UGGT2: variants seen among roughly 807,000 people sequenced by gnomAD.
UGGT2 encodes the protein UDP-glucose:glycoprotein glucosyltransferase 2.
Under a neutral mutation model 192.1 loss-of-function variants are expected in UGGT2, and 180 were observed. The observed-to-expected ratio is 0.94, with a 90% CI of 0.83 to 1.06. The LOEUF is 1.06. UGGT2 is among the 50% of genes least tolerant of loss of function. The pLI is 0.00. For synonymous variants in UGGT2, 580 were observed against 591.0 expected (o/e 0.98, Z 0.27); for missense variants, 1,849 against 1,795.7 (o/e 1.03, Z -0.54).
intron 17 of UGGT2, among the ~76,000 whole-genome samples, chr13:95,930,729 C>A (rs1013132474): frequency 3.3e-5 from 5 of 152,128 alleles, no homozygotes; most frequent in Non-Finnish European, 7.4e-5. Context: ...ACACTGACTT[C>A]AAGAATAAAG....
intron 15 of UGGT2, among the ~76,000 whole-genome samples, chr13:95,945,615 T>C (rs762426661): frequency 5.8e-4 from 89 of 152,278 alleles, no homozygotes; most frequent in Non-Finnish European, 1.1e-3. Flanking sequence ...TAGGTAAAGA[T>C]AATTTCTGAA....
At chr13:95,985,235 A>ACAG in intron 9 of UGGT2, 1 of 1,188,216 alleles carries the variant, frequency 8.4e-7, no homozygotes, top group South Asian at 1.4e-5. Flanking sequence ...ACATTTATAC[A>ACAG]CACCCATATA....
intron 4 of UGGT2, among the ~76,000 whole-genome samples, chr13:96,017,351 G>A (rs998580785): frequency 1.3e-5 from 2 of 152,068 alleles, no homozygotes; most frequent in African/African-American, 4.8e-5. Context: ...CAATTCCCAG[G>A]GGCCCCCCTT....
chr13:95,895,087 T>C, intron 23 of UGGT2, 93 bp downstream of exon 23: 1 of 1,282,768 alleles, frequency 7.8e-7, no homozygotes, highest in South Asian at 1.4e-5. Context: ...TACCTTTACT[T>C]GTCTATATAT....
Position 96,013,348 on chromosome 13 carries a change from G to T in UGGT2, c.619C>A (p.Gln207Lys), listed in dbSNP as rs757110212. The change falls in exon 5 of 39, where the codon CAA (glutamine) becomes AAA (lysine). Residue 207 changes from glutamine to lysine, a missense_variant. Physicochemically the swap from Gln to Lys is moderately conservative, Grantham distance 53. Transcript: ENST00000376747. ...AFHKVLSEKA[Q>K]NEEILYVLRH... Reference sequence around the variant, plus strand: ...AGAACATACAGAATTTCCTCATTTTGAGCTTTTTCAGACAATACTTTGTGA... The same window carrying T: ...AGAACATACAGAATTTCCTCATTTTTAGCTTTTTCAGACAATACTTTGTGA... The T allele has an allele frequency of 1.5e-5, 24 of 1,605,542 alleles. No individual in the cohort carries two copies. Among genetic ancestry groups the T allele is most frequent in the Non-Finnish European group, 3.4e-6 (4 of 1,178,018 alleles).
intron 4 of UGGT2, among the ~76,000 whole-genome samples, chr13:96,014,260 G>C (rs567270057): frequency 1.9e-4 from 29 of 152,284 alleles, no homozygotes; most frequent in African/African-American, 7.0e-4. Context: ...CTTTTATTTA[G>C]TGAATTCTGA....
rs372521758 is a variant in UGGT2 at position 95,867,338 on chromosome 13, C to A, written c.3558+1G>T. ...CTATAAAAAGTTCTGCCCCCACATACTTTTACTTTGAGTATCTTGCTTTTG... is the reference window on the plus strand; with the variant it reads ...CTATAAAAAGTTCTGCCCCCACATAATTTTACTTTGAGTATCTTGCTTTTG... On this transcript the variant is annotated splice_donor_variant, in intron 30 of 38. Coordinates refer to ENST00000376747, the MANE Select transcript of UGGT2 (RefSeq NM_020121.4). LOFTEE classifies it high-confidence loss of function. 5 of 1,604,836 alleles carry A rather than the reference C, an allele frequency of 3.1e-6. No individual in the cohort carries two copies. The highest frequency in any genetic ancestry group is 1.7e-5 in the Admixed American group (1 of 58,492).
chr13:95,863,861 A>C, intron 30 of UGGT2, 147 bp from the exon 31 acceptor site: 1 of 656,812 alleles, frequency 1.5e-6, no homozygotes, highest in Non-Finnish European at 2.7e-6. Flanking sequence ...ATCTTAGCAC[A>C]ATGTTGTAAA....
intron 37 of UGGT2, 140 bp from the exon 38 acceptor site, chr13:95,833,193 A>G (rs2139883452): frequency 1.2e-6 from 1 of 832,648 alleles, no homozygotes; most frequent in Non-Finnish European, 1.8e-6. Context: ...TACACACAGG[A>G]TCAGGTGAAA....
chr13:95,869,093 T>A (rs1890976023), intron 29 of UGGT2, among the ~76,000 whole-genome samples: 1 of 144,598 alleles, frequency 6.9e-6, no homozygotes. Flanking sequence ...TGTCCATGTG[T>A]TCTCATTGTT....
chr13:95,849,430 C>T (rs1888796071), intron 36 of UGGT2, among the ~76,000 whole-genome samples: 1 of 151,764 alleles, frequency 6.6e-6, no homozygotes, highest in South Asian at 2.1e-4. Context: ...GTAGTCCCAG[C>T]TACTCAGGAG....
At chr13:96,007,602 G>A (rs1341451058) in intron 5 of UGGT2, among the ~76,000 whole-genome samples, 1 of 152,008 alleles carries the variant, frequency 6.6e-6, no homozygotes, top group Non-Finnish European at 1.5e-5. Context: ...ATTCAGTAAA[G>A]TTGCAAGATA....
chr13:95,994,307 TAA>T (rs1471773966), intron 7 of UGGT2, among the ~76,000 whole-genome samples: 2 of 151,722 alleles, frequency 1.3e-5, no homozygotes, highest in Non-Finnish European at 2.9e-5. Context: ...ACCAATATAA[TAA>T]AGAGGAATAT....
At chr13:95,908,244 C>G (rs1198211625) in intron 20 of UGGT2, among the ~76,000 whole-genome samples, 1 of 152,208 alleles carries the variant, frequency 6.6e-6, no homozygotes, top group East Asian at 1.9e-4. Flanking sequence ...AAATATGGAA[C>G]TATGTGAAAA....
At chr13:95,926,995 T>C (rs1202511833) in intron 19 of UGGT2, 33 bp downstream of exon 19, 2 of 1,547,256 alleles carry the variant, frequency 1.3e-6, no homozygotes, top group East Asian at 4.5e-5. Flanking sequence ...TCTATCACTT[T>C]AAGAATTCAG....
intron 20 of UGGT2, among the ~76,000 whole-genome samples, chr13:95,909,519 G>A (rs191904320): frequency 0.012 from 1,693 of 142,810 alleles, 30 homozygotes; most frequent in African/African-American, 0.042. Context: ...AACAAACACC[G>A]CATATTCTCA....
intron 12 of UGGT2, among the ~76,000 whole-genome samples, chr13:95,967,757 A>C (rs541126132): frequency 6.6e-6 from 1 of 152,232 alleles, no homozygotes; most frequent in East Asian, 1.9e-4. Flanking sequence ...CAGGCATGAG[A>C]CACTGTGCCT....
intron 36 of UGGT2, among the ~76,000 whole-genome samples, chr13:95,843,484 TTGTA>T (rs1361995471): frequency 6.6e-6 from 1 of 152,152 alleles, no homozygotes; most frequent in Non-Finnish European, 1.5e-5. Context: ...TGGGAGCTCT[TTGTA>T]TATTTATCAA....
At chr13:95,880,055 C>T (rs149858780) in intron 27 of UGGT2, among the ~76,000 whole-genome samples, 2 of 152,242 alleles carry the variant, frequency 1.3e-5, no homozygotes, top group Admixed American at 1.3e-4. Context: ...CCTCTGGCCC[C>T]GTGACAGGCC....
Sources: allele counts gnomAD v4.1 joint callset (sites outside exome capture counted in the v4.1 genomes callset), GRCh38; gene constraint gnomAD v4.1.1; transcripts MANE v1.5; gene names NCBI Gene and HGNC (gene_info 2026-07-23, HGNC 2026-07-21).